The following UST variants were observed in gnomAD, a reference collection of about 807,000 sequenced individuals.
UST encodes uronyl 2-sulfotransferase, also known as chondroitin sulfate 2-O-sulfotransferase.
In UST, 21 loss-of-function variants were observed where a neutral mutation model predicts 45.6. The observed-to-expected ratio is 0.46, with a 90% CI of 0.33 to 0.66. UST has a LOEUF of 0.66. Among genes scored for constraint, UST ranks in the 30% least tolerant of loss-of-function variants. The pLI is 0.02. For missense variants in UST, 463 were observed against 512.4 expected (o/e 0.90, Z 0.93); for synonymous variants, 215 against 200.6 (o/e 1.07, Z -0.61).
chr6:148,953,998 A>G, intron 4 of UST, 47 bp downstream of exon 4: 1 of 1,446,728 alleles, frequency 6.9e-7, no homozygotes, highest in Non-Finnish European at 9.5e-7. Context: ...CTTCTAATGA[A>G]CAGTTACTTT....
At chr6:149,006,158 A>G (rs1218596958) in intron 5 of UST, among the ~76,000 whole-genome samples, 1 of 152,220 alleles carries the variant, frequency 6.6e-6, no homozygotes, top group Admixed American at 6.5e-5. Flanking sequence ...AACATGTGCC[A>G]TGGTGGTTTG....
At chr6:148,868,463 C>G (rs1477705564) in intron 1 of UST, among the ~76,000 whole-genome samples, 12 of 140,950 alleles carry the variant, frequency 8.5e-5, no homozygotes, top group Admixed American at 4.3e-4. Context: ...AAGTGAGTGA[C>G]TCACTTCGTC....
chr6:148,760,817 GA>G (rs1776203646), intron 1 of UST, among the ~76,000 whole-genome samples: 2 of 152,068 alleles, frequency 1.3e-5, no homozygotes, highest in Non-Finnish European at 2.9e-5. Flanking sequence ...ATGAGAAAAA[GA>G]TAAACCAACT....
At chr6:149,010,809 C>T (rs1056870842) in intron 5 of UST, among the ~76,000 whole-genome samples, 33 of 145,190 alleles carry the variant, frequency 2.3e-4, no homozygotes, top group African/African-American at 8.1e-4. Flanking sequence ...AGGAGAATCG[C>T]TTAATCTGGG....
rs145272380 is a variant in UST at position 149,020,916 on chromosome 6, C to T, written c.780-408C>T. 5.7e-4 allele frequency among the ~76,000 whole-genome samples: 87 copies of T among 152,338 alleles called. 1 individual carries two copies. The highest frequency in any genetic ancestry group is 3.4e-3 in the Middle Eastern group (1 of 294). On this transcript the variant is annotated intron_variant, in intron 6 of 7. Coordinates refer to ENST00000367463, the MANE Select transcript of UST (RefSeq NM_005715.3). ...TTTGAGTTCTACATAAATACTATGTCGGTAAGTTTCATATTTCAAAACTCC... is the reference window on the plus strand; with the variant it reads ...TTTGAGTTCTACATAAATACTATGTTGGTAAGTTTCATATTTCAAAACTCC...
At chr6:148,835,691 C>T (rs1232932040) in intron 1 of UST, among the ~76,000 whole-genome samples, 4 of 152,170 alleles carry the variant, frequency 2.6e-5, no homozygotes, top group Non-Finnish European at 5.9e-5. Context: ...ACTGGCCAGT[C>T]TCCATGACTT....
intron 1 of UST, among the ~76,000 whole-genome samples, chr6:148,768,033 A>C (rs1776352556): frequency 6.6e-6 from 1 of 152,140 alleles, no homozygotes; most frequent in Admixed American, 6.5e-5. Context: ...CTAGACTTGG[A>C]ATTGCTGGTT....
intron 2 of UST, among the ~76,000 whole-genome samples, chr6:148,924,877 C>G (rs1582901834): frequency 1.3e-5 from 2 of 152,176 alleles, no homozygotes. Context: ...AGGTGGAATG[C>G]GTGTTTTTGA....
intron 5 of UST, among the ~76,000 whole-genome samples, chr6:148,996,748 A>G (rs1346403302): frequency 6.6e-6 from 1 of 152,194 alleles, no homozygotes; most frequent in Admixed American, 6.5e-5. Context: ...TCTTCATTTC[A>G]GTACTTATGT....
At chr6:148,923,472 A>G (rs1779753776) in intron 2 of UST, among the ~76,000 whole-genome samples, 1 of 152,256 alleles carries the variant, frequency 6.6e-6, no homozygotes, top group Non-Finnish European at 1.5e-5. Context: ...ATAGTCAGCC[A>G]GGTGGCTATA....
At position 148,788,853 on chromosome 6, in the gene UST, T is replaced by G. The variant is rs59816307; in HGVS notation, c.247+41176T>G. 5.3e-3 allele frequency among the ~76,000 whole-genome samples: 802 copies of G among 152,330 alleles called. 6 individuals carry two copies. The highest frequency in any genetic ancestry group is 0.019 in the African/African-American group (784 of 41,578). The stretch of plus-strand genomic sequence containing the variant: ...TTACTTAAGGGCTCAGCTCTGACAT[T>G]TGAAGTGAATGGTTGTGAGTGCCAG... On this transcript the variant is annotated intron_variant, in intron 1 of 7. Coordinates refer to ENST00000367463, the MANE Select transcript of UST (RefSeq NM_005715.3).
In UST at chr6:148,953,910, C is replaced by G; in HGVS notation, c.486C>G (p.Pro162=). 1 of 1,608,832 alleles carries G rather than the reference C, an allele frequency of 6.2e-7. No individual in the cohort carries two copies. The highest frequency in any genetic ancestry group is 1.1e-5 in the South Asian group (1 of 89,984). The change falls in exon 4 of 8, where the codon CCC becomes CCG. Residue 162 remains proline (P), a synonymous_variant. Transcript: ENST00000367463. ...LIKNISTAEQ[P]YLFTRHVHFL... ...AAAATATAAGTACTGCCGAACAACC[C>G]TATTTATTCACTCGACATGTTCATT...
At chr6:149,045,536 A>T (rs767877113) in intron 7 of UST, among the ~76,000 whole-genome samples, 2 of 152,142 alleles carry the variant, frequency 1.3e-5, no homozygotes, top group South Asian at 2.1e-4. Context: ...CTCACCAGGA[A>T]GTGTGTGTGG....
intron 2 of UST, among the ~76,000 whole-genome samples, chr6:148,903,357 T>C (rs932764725): frequency 6.6e-6 from 1 of 152,194 alleles, no homozygotes; most frequent in African/African-American, 2.4e-5. Flanking sequence ...TTATAGACAG[T>C]ATCTTTCTTT....
At chr6:148,920,663 G>T (rs766577575) in intron 2 of UST, among the ~76,000 whole-genome samples, 1 of 152,130 alleles carries the variant, frequency 6.6e-6, no homozygotes, top group Non-Finnish European at 1.5e-5. Flanking sequence ...TGAGTAGCTG[G>T]GACCACAGGT....
rs1779981151 is a variant in UST, at chr6:148,934,439, T to C, written c.292-6840T>C. Among the ~76,000 whole-genome samples, 1 of 152,210 alleles carries C rather than the reference T, an allele frequency of 6.6e-6. No homozygotes were observed. The highest frequency in any genetic ancestry group is 1.5e-5 in the Non-Finnish European group (1 of 68,034). On this transcript the variant is annotated intron_variant, in intron 2 of 7. Coordinates refer to ENST00000367463, the MANE Select transcript of UST (RefSeq NM_005715.3). This position sits in a 1 kb window ranked among gnomAD's most constrained non-coding sequence, Gnocchi z 4.1. The stretch of plus-strand genomic sequence containing the variant: ...CTAAGGGTCTAATGCTTTAACAACA[T>C]TCAGTATAAATTTCAGTTAACCTAC...
chr6:148,974,333 C>G (rs1403940215), intron 5 of UST, among the ~76,000 whole-genome samples: 1 of 149,046 alleles, frequency 6.7e-6, no homozygotes, highest in Non-Finnish European at 1.5e-5. Context: ...AAAAAAAATA[C>G]CCGAACAAGT....
chr6:148,783,517 G>A (rs1025980406), intron 1 of UST, among the ~76,000 whole-genome samples: 3 of 152,088 alleles, frequency 2.0e-5, no homozygotes, highest in Admixed American at 6.5e-5. Flanking sequence ...AGAAGCAGAC[G>A]TATCATTATT....
intron 1 of UST, among the ~76,000 whole-genome samples, chr6:148,803,946 C>T (rs1416847048): frequency 6.6e-6 from 1 of 152,194 alleles, no homozygotes; most frequent in Admixed American, 6.5e-5. Context: ...TCTTTCCTAG[C>T]ACTCCATCAT....
Sources: gnomAD v4.1 joint callset for allele counts (sites outside exome capture counted in the v4.1 genomes callset) on GRCh38, gnomAD v4.1.1 for gene constraint, Gnocchi (gnomAD v3.1) non-coding constraint, MANE v1.5 for transcripts, NCBI Gene and HGNC (gene_info 2026-07-23, HGNC 2026-07-21) for gene names.